Variants in LAMA2 observed in about 807,000 individuals in gnomAD.
LAMA2 encodes laminin subunit alpha 2.
A neutral mutation model predicts 364.8 loss-of-function variants in LAMA2; 269 were observed. The observed-to-expected ratio is 0.74, with a 90% CI of 0.67 to 0.82. The LOEUF (loss-of-function observed/expected upper bound fraction) is 0.82, where lower values mean the gene tolerates loss of function less well. LAMA2 is among the 40% of genes least tolerant of loss of function. LAMA2 has a pLI of 0.00. For missense variants in LAMA2, 3,807 were observed against 3,873.2 expected (o/e 0.98, Z 0.45); for synonymous variants, 1,379 against 1,370.6 (o/e 1.01, Z -0.14).
At chr6:129,479,610 A>C (rs188359586) in intron 54 of LAMA2, 4 of 152,340 alleles carry the variant, frequency 2.6e-5, no homozygotes, top group Admixed American at 2.6e-4. Flanking sequence ...AAAACGTTAA[A>C]TATGTCATTC....
chr6:129,461,884 A>C (rs907437802), intron 49 of LAMA2, among the ~76,000 whole-genome samples: 1 of 152,026 alleles, frequency 6.6e-6, no homozygotes, highest in African/African-American at 2.4e-5. Context: ...GGAAGGGAGG[A>C]AAAAACAAAT....
At chr6:129,082,923 T>C (rs1442111236) in intron 3 of LAMA2, among the ~76,000 whole-genome samples, 1 of 152,138 alleles carries the variant, frequency 6.6e-6, no homozygotes, top group Non-Finnish European at 1.5e-5. Flanking sequence ...CATATGTATC[T>C]TGAGATTTTA....
At chr6:129,106,621 C>T (rs1230637081) in intron 4 of LAMA2, among the ~76,000 whole-genome samples, 1 of 151,862 alleles carries the variant, frequency 6.6e-6, no homozygotes, top group African/African-American at 2.4e-5. Context: ...TATTAAAGTA[C>T]CTCCTTACAG....
intron 40 of LAMA2, among the ~76,000 whole-genome samples, chr6:129,418,779 C>G (rs1780927224): frequency 6.6e-6 from 1 of 152,082 alleles, no homozygotes; most frequent in South Asian, 2.1e-4. Flanking sequence ...TCAAGAAACA[C>G]TGTGCAGTCT....
At chr6:128,907,452 T>G (rs1172259655) in intron 1 of LAMA2, among the ~76,000 whole-genome samples, 6 of 152,318 alleles carry the variant, frequency 3.9e-5, no homozygotes, top group Admixed American at 2.6e-4. Flanking sequence ...TGTTGGTGTA[T>G]AAGAATGCTT....
chr6:129,278,377 A>T (rs62420994), intron 17 of LAMA2, among the ~76,000 whole-genome samples: 3 of 152,208 alleles, frequency 2.0e-5, no homozygotes, highest in Non-Finnish European at 4.4e-5. Context: ...TCAGTTTCTC[A>T]GTAGATGATG....
intron 1 of LAMA2, among the ~76,000 whole-genome samples, chr6:128,906,687 G>A (rs1562816058): frequency 6.6e-6 from 1 of 152,086 alleles, no homozygotes; most frequent in Admixed American, 6.5e-5. Context: ...TGCTTTTGGT[G>A]TTTTAGACAT....
chr6:129,456,542 C>T, intron 48 of LAMA2, 48 bp downstream of exon 48: 1 of 1,513,784 alleles, frequency 6.6e-7, no homozygotes, highest in Non-Finnish European at 9.2e-7. Context: ...GTTGACATCT[C>T]CTGACATAAT....
chr6:129,171,521 G>A (rs2115004101), intron 9 of LAMA2, among the ~76,000 whole-genome samples: 1 of 152,290 alleles, frequency 6.6e-6, no homozygotes, highest in East Asian at 1.9e-4. Flanking sequence ...CTTCCGGCTT[G>A]TAGAGTTTCT....
intron 54 of LAMA2, chr6:129,479,801 T>C (rs1784263014): frequency 6.6e-6 from 1 of 152,148 alleles, no homozygotes; most frequent in South Asian, 2.1e-4. Flanking sequence ...ACTTTCAGGA[T>C]CTTCATTGTT....
chr6:129,340,736 G>A (rs1192308234), intron 29 of LAMA2, among the ~76,000 whole-genome samples: 1 of 150,588 alleles, frequency 6.6e-6, no homozygotes, highest in Non-Finnish European at 1.5e-5. Flanking sequence ...ACTCGGGAAG[G>A]TGAGGCAGGA....
chr6:129,476,804 C>T (rs912769437), intron 53 of LAMA2, among the ~76,000 whole-genome samples: 3 of 125,072 alleles, frequency 2.4e-5, no homozygotes, highest in Non-Finnish European at 5.2e-5. Flanking sequence ...TTATAACAAC[C>T]AGCTGACTGA....
At chr6:129,334,092 G>A (rs1026318655) in intron 29 of LAMA2, among the ~76,000 whole-genome samples, 8 of 152,158 alleles carry the variant, frequency 5.3e-5, no homozygotes, top group Admixed American at 3.9e-4. Flanking sequence ...GGCCTCATGA[G>A]GCAAATAAGA....
intron 10 of LAMA2, among the ~76,000 whole-genome samples, chr6:129,189,105 C>A (rs1781391126): frequency 1.3e-5 from 2 of 152,026 alleles, no homozygotes; most frequent in African/African-American, 2.4e-5. Context: ...GACAGAATTT[C>A]TACCTCTGAA....
chr6:129,098,464 G>A lies in LAMA2; in HGVS notation c.639+49G>A, dbSNP rs117988669. 5.2e-3 allele frequency: 8,363 copies of A among 1,605,036 alleles called. 31 individuals are homozygous for A. The highest frequency in any genetic ancestry group is 6.2e-3 in the Non-Finnish European group (7,258 of 1,173,494). Reference sequence around the variant, plus strand: ...TAAGCACATTTGATACGGTGAAATAGGCCTGTCAGAAAGACCTGAATATAT... The same window carrying A: ...TAAGCACATTTGATACGGTGAAATAAGCCTGTCAGAAAGACCTGAATATAT... On this transcript the variant is annotated intron_variant, in intron 4 of 64. Transcript: ENST00000421865.
intron 18 of LAMA2, among the ~76,000 whole-genome samples, chr6:129,285,350 T>C (rs2114407549): frequency 6.6e-6 from 1 of 152,256 alleles, no homozygotes; most frequent in Non-Finnish European, 1.5e-5. Context: ...TATTCACAAA[T>C]TTTCCTTACA....
chr6:128,990,224 T>C (rs17723940), intron 1 of LAMA2, among the ~76,000 whole-genome samples: 2,781 of 152,334 alleles, frequency 0.018, 36 homozygotes, highest in Non-Finnish European at 0.027. Context: ...CCTCGGCCTA[T>C]GCTATTACAG....
intron 30 of LAMA2, among the ~76,000 whole-genome samples, chr6:129,342,881 A>T (rs1332232609): frequency 3.9e-5 from 6 of 152,038 alleles, no homozygotes; most frequent in Non-Finnish European, 8.8e-5. Context: ...TATGTGTTTA[A>T]TTCAAGATTG....
intron 41 of LAMA2, among the ~76,000 whole-genome samples, chr6:129,436,114 A>T (rs1781819523): frequency 6.6e-6 from 1 of 152,234 alleles, no homozygotes. Flanking sequence ...TTTTTAAAAC[A>T]TTGAAAAACA....
Sources: allele counts gnomAD v4.1 joint callset (sites outside exome capture counted in the v4.1 genomes callset), GRCh38; gene constraint gnomAD v4.1.1; transcripts MANE v1.5; gene names NCBI Gene and HGNC (gene_info 2026-07-23, HGNC 2026-07-21).